Variants in DUOX1 observed in about 807,000 individuals in gnomAD.
The protein encoded by DUOX1 is dual oxidase 1, also known as NADPH thyroid oxidase 1.
A neutral mutation model predicts 181.8 loss-of-function variants in DUOX1; 134 were observed. That is an observed-to-expected ratio of 0.74 (90% CI 0.64 to 0.85). The LOEUF (loss-of-function observed/expected upper bound fraction) is 0.85. DUOX1 is among the 40% of genes least tolerant of loss of function. The probability of loss-of-function intolerance (pLI) is 0.00; values close to 1 mark genes in which losing one functional copy is unlikely to be tolerated. For synonymous variants in DUOX1, 798 were observed against 832.5 expected (o/e 0.96, Z 0.71); for missense variants, 1,814 against 2,064.4 (o/e 0.88, Z 2.35).
intron 17 of DUOX1, 66 bp downstream of exon 17, chr15:45,144,301 G>A (rs1166126009): frequency 1.4e-5 from 22 of 1,557,254 alleles, no homozygotes; most frequent in Non-Finnish European, 1.9e-5. Context: ...CAGGTGGAGG[G>A]GAAGAAGCAT....
Position 45,155,885 on chromosome 15 carries a change from G to A in DUOX1, c.3658G>A (p.Gly1220Ser). The A allele has an allele frequency of 6.2e-7, 1 of 1,614,094 alleles. No homozygotes were observed. Among genetic ancestry groups the A allele is most frequent in the South Asian group, 1.1e-5 (1 of 91,086 alleles). ...SHHFRRRSFR[G>S]FWLTHHLYIL... The stretch of plus-strand genomic sequence containing the variant: ...CCACTTCCGCCGCCGCAGTTTCCGG[G>A]GCTTCTGGCTGACCCACCACCTCTA... Residue 1220 changes from glycine to serine, a missense_variant, in exon 28 of 34, where the codon GGC becomes AGC. By Grantham distance (56) the Gly-to-Ser change is moderately conservative (BLOSUM62 0). Around this residue, in one of 5 missense-constraint regions of DUOX1, gnomAD observed 279 missense variants for 381.9 expected, o/e 0.73. Coordinates refer to ENST00000389037, the MANE Select transcript of DUOX1 (RefSeq NM_175940.3).
chr15:45,133,265 G>A (rs550132277), intron 2 of DUOX1, among the ~76,000 whole-genome samples: 2 of 152,240 alleles, frequency 1.3e-5, no homozygotes, highest in East Asian at 3.9e-4. Context: ...AAAGGGCAAA[G>A]TCATCCACAT....
At position 45,151,915 on chromosome 15, in the gene DUOX1, G is replaced by C. The variant is rs899955788; in HGVS notation, c.3056G>C (p.Arg1019Pro). The C allele has an allele frequency of 1.2e-6, 2 of 1,614,012 alleles. No homozygotes were observed. Among genetic ancestry groups the C allele is most frequent in the East Asian group, 4.5e-5 (2 of 44,878 alleles). The part of the protein sequence containing the change: ...FQPLLFTEAH[R>P]EKFQRSCLHQ... ...CCCTTGCTGTTCACTGAGGCGCACC[G>C]AGAGAAGTTCCAACGCAGCTGTCTC... is the stretch of plus-strand genomic sequence containing the variant. The change falls in exon 24 of 34, where the codon CGA becomes CCA. Residue 1019 changes from arginine (R) to proline (P), a missense_variant. Arg to Pro is a moderately radical substitution (Grantham distance 103). Around this residue, in one of 5 missense-constraint regions of DUOX1, gnomAD observed 1,064 missense variants for 1,152.9 expected, o/e 0.92. Coordinates refer to ENST00000389037, the MANE Select transcript of DUOX1 (RefSeq NM_175940.3).
chr15:45,146,159 G>A (rs1354552493), intron 18 of DUOX1, among the ~76,000 whole-genome samples: 1 of 152,186 alleles, frequency 6.6e-6, no homozygotes, highest in African/African-American at 2.4e-5. Flanking sequence ...TGGCTCAGAG[G>A]AAAGGAACAG....
Position 45,153,446 on chromosome 15 carries a change from C to CT in DUOX1, c.3493dup (p.Cys1165LeufsTer9). 1 of 1,613,892 alleles carries CT rather than the reference C, an allele frequency of 6.2e-7. No individual in the cohort carries two copies. Among genetic ancestry groups the CT allele is most frequent in the South Asian group, 1.1e-5 (1 of 91,080 alleles). ...TCCATCAGCCCCCTCAGCGTCCTCTCTTGCCTCTTTCCTGGCCTCTTCCAT... is the reference window on the plus strand; with the variant it reads ...TCCATCAGCCCCCTCAGCGTCCTCTCTTTGCCTCTTTCCTGGCCTCTTCCAT... On this transcript the variant is annotated frameshift_variant, in exon 26 of 34. Transcript: ENST00000389037. LOFTEE classifies it high-confidence loss of function.
Position 45,139,143 on chromosome 15 carries a change from C to T in DUOX1, c.1191C>T (p.Asp397=). Reference sequence around the variant, plus strand: ...CCTCCCAGATCGCAGAGCGAGAGGACCATGTGTTGGTTGAAGATGTGCGGG... The same window carrying T: ...CCTCCCAGATCGCAGAGCGAGAGGATCATGTGTTGGTTGAAGATGTGCGGG... ...GMASQIAERE[D]HVLVEDVRDF... Residue 397 remains aspartate, a synonymous_variant, in exon 11 of 34, where the codon GAC becomes GAT. Transcript: ENST00000389037. 1.2e-6 allele frequency: 2 copies of T among 1,614,152 alleles called. No homozygotes were observed. The highest frequency in any genetic ancestry group is 1.7e-6 in the Non-Finnish European group (2 of 1,180,028).
chr15:45,132,669 G>A (rs1595573216), intron 2 of DUOX1, among the ~76,000 whole-genome samples: 1 of 152,130 alleles, frequency 6.6e-6, no homozygotes, highest in Non-Finnish European at 1.5e-5. Flanking sequence ...GTCCTGGCTG[G>A]AGGTGACAGG....
chr15:45,161,772 C>A lies in DUOX1; in HGVS notation c.3891C>A (p.Gly1297=), dbSNP rs375792553. 5 of 1,613,938 alleles carry A rather than the reference C, an allele frequency of 3.1e-6. No homozygotes were observed. The Admixed American group carries it at 5.0e-5, about 16-fold the overall frequency. ...VTHLRFQRPQ[G]FEYKSGQWVR... ...ACCTGCGGTTCCAGCGGCCCCAGGG[C>A]TTTGAGTACAAGTCAGGGCAGTGGG... The change falls in exon 30 of 34, where the codon GGC becomes GGA. Residue 1297 remains glycine, a synonymous_variant. Coordinates refer to ENST00000389037, the MANE Select transcript of DUOX1 (RefSeq NM_175940.3).
At position 45,165,018 on chromosome 15, in the gene DUOX1, C is replaced by A. The variant is rs1897193435; in HGVS notation, c.*117C>A. ...CCTTCTCTGATTTCCCACCTCCCAA[C>A]CTTGTTCCAGGTGGCCATAGTCAGT... On this transcript the variant is annotated 3_prime_UTR_variant, in exon 34 of 34. Transcript: ENST00000389037. 1 of 1,239,980 alleles carries A rather than the reference C, an allele frequency of 8.1e-7. No individual in the cohort carries two copies. Among genetic ancestry groups the A allele is most frequent in the African/African-American group, 1.5e-5 (1 of 66,794 alleles). 76.8% of individuals were successfully genotyped at this position (1,239,980 alleles called of 1,614,324 possible). A position where few individuals can be genotyped will look rare whatever the true frequency, so the allele number is the denominator to read the frequency against.
In DUOX1 at chr15:45,136,404, T is replaced by C. The variant is rs200255711; in HGVS notation, c.919T>C (p.Tyr307His). ...PSFLQKTLPE[Y>H]TGYRPFLDPS... ...CTTCCTGCAGAAAACACTCCCGGAG[T>C]ATACAGGTGAGGGAGCGGGGAAGGA... is the stretch of plus-strand genomic sequence containing the variant. Residue 307 changes from tyrosine (Y) to histidine (H), a missense_variant, in exon 8 of 34, where the codon TAT (tyrosine) becomes CAT (histidine). Transcript: ENST00000389037. 1 of 1,613,622 alleles carries C rather than the reference T, an allele frequency of 6.2e-7. No homozygotes were observed. Among genetic ancestry groups the C allele is most frequent in the East Asian group, 2.2e-5 (1 of 44,862 alleles).
chr15:45,152,500 C>A lies in DUOX1; in HGVS notation c.3408C>A (p.Thr1136=), dbSNP rs774750185. ...ACTTCCATCGCCTCATTGCCTCCAC[C>A]GCCATCGTCCTCACAGGCAGGGCCT... ...AVDFHRLIAS[T]AIVLTVLHSV... The change falls in exon 25 of 34, where the codon ACC becomes ACA. Residue 1136 remains threonine (T), a synonymous_variant. Transcript: ENST00000389037. The A allele has an allele frequency of 1.2e-6, 2 of 1,613,988 alleles. No homozygotes were observed. Among genetic ancestry groups the A allele is most frequent in the East Asian group, 4.5e-5 (2 of 44,884 alleles).
At position 45,161,800 on chromosome 15, in the gene DUOX1, C is replaced by T. The variant is rs368964201; in HGVS notation, c.3919C>T (p.Arg1307Trp). Residue 1307 changes from arginine (R) to tryptophan (W), a missense_variant, in exon 30 of 34, where the codon CGG becomes TGG. This residue lies in a region of DUOX1 where 279 missense variants were observed against 381.9 expected (regional missense o/e 0.73). Transcript: ENST00000389037. ...TGAGTACAAGTCAGGGCAGTGGGTG[C>T]GGATCGCTTGCCTGGCTCTGGGGAC... The part of the protein sequence containing the change: ...GFEYKSGQWV[R>W]IACLALGTTE... The T allele has an allele frequency of 1.2e-6, 2 of 1,613,966 alleles. No homozygotes were observed. The highest frequency in any genetic ancestry group is 8.5e-7 in the Non-Finnish European group (1 of 1,179,980).
In DUOX1 at chr15:45,140,899, T is replaced by C; in HGVS notation, c.1394T>C (p.Leu465Pro). Residue 465 changes from leucine (L) to proline (P), a missense_variant, in exon 13 of 34, where the codon CTG becomes CCG. By Grantham distance (98) the Leu-to-Pro change is moderately conservative. Around this residue, in one of 5 missense-constraint regions of DUOX1, gnomAD observed 1,064 missense variants for 1,152.9 expected, o/e 0.92. Coordinates refer to ENST00000389037, the MANE Select transcript of DUOX1 (RefSeq NM_175940.3). The part of the protein sequence containing the change: ...PALSRSNDTV[L>P]EATAALYNQD... ...TCTGCCCCTTCTTGGTTCCAGGTACTGGAGGCCACAGCTGCCCTGTACAAC... is the reference window on the plus strand; with the variant it reads ...TCTGCCCCTTCTTGGTTCCAGGTACCGGAGGCCACAGCTGCCCTGTACAAC... 1 of 1,613,836 alleles carries C rather than the reference T, an allele frequency of 6.2e-7. No individual in the cohort carries two copies. The highest frequency in any genetic ancestry group is 8.5e-7 in the Non-Finnish European group (1 of 1,179,796).
rs371484989 is a variant in DUOX1, at chr15:45,138,253, C to A, written c.1113+239C>A. Among the ~76,000 whole-genome samples, 9 of 152,198 alleles carry A rather than the reference C, an allele frequency of 5.9e-5. 1 individual carries two copies. The South Asian group carries it at 1.9e-3, about 31-fold the overall frequency. On this transcript the variant is annotated intron_variant, in intron 10 of 33. Transcript: ENST00000389037. ...AACATGGCCAAAAGCCAACCCACCA[C>A]CCCAACCTCAGGGCTGTGGGAAAGC...
rs372768815 is a variant in DUOX1, at chr15:45,158,687, G to A, written c.3703-2150G>A. Among the ~76,000 whole-genome samples the A allele has an allele frequency of 7.6e-5, 9 of 119,000 alleles. 1 individual carries two copies. The highest frequency in any genetic ancestry group is 5.5e-4 in the Admixed American group (5 of 9,154). 78.1% of individuals were successfully genotyped at this position (119,000 alleles called of 152,430 possible). ...ACTGCACTCCAGCCTGGGTGACAGCGAGACTTCCATCTCAAAAAAAAAAAA... is the reference window on the plus strand; with the variant it reads ...ACTGCACTCCAGCCTGGGTGACAGCAAGACTTCCATCTCAAAAAAAAAAAA... On this transcript the variant is annotated intron_variant, in intron 28 of 33. Coordinates refer to ENST00000389037, the MANE Select transcript of DUOX1 (RefSeq NM_175940.3).
At chr15:45,133,730 C>A (rs1229061280) in intron 2 of DUOX1, 134 bp from the exon 3 acceptor site, 27 of 738,674 alleles carry the variant, frequency 3.7e-5, no homozygotes, top group Middle Eastern at 7.9e-4. Flanking sequence ...CTGCACCCTA[C>A]CTCTCACATC....
In DUOX1 at chr15:45,144,188, C is replaced by G. The variant is rs765746160; in HGVS notation, c.2089C>G (p.Arg697Gly). The change falls in exon 17 of 34, where the codon CGT (arginine) becomes GGT (glycine). Residue 697 changes from arginine to glycine, a missense_variant. Coordinates refer to ENST00000389037, the MANE Select transcript of DUOX1 (RefSeq NM_175940.3). The stretch of plus-strand genomic sequence containing the variant: ...GGTCAACTTCGTCCTGTCCAGCAAC[C>G]GTGGACGCCGCACTCTGCTGCTCAA... The part of the protein sequence containing the change: ...QKVNFVLSSN[R>G]GRRTLLLKIP... 1.2e-6 allele frequency: 2 copies of G among 1,614,018 alleles called. No individual in the cohort carries two copies. The highest frequency in any genetic ancestry group is 1.3e-5 in the African/African-American group (1 of 74,950).
At position 45,142,132 on chromosome 15, in the gene DUOX1, G is replaced by A. The variant is rs758471611; in HGVS notation, c.1822+20G>A. 18 of 1,607,962 alleles carry A rather than the reference G, an allele frequency of 1.1e-5. No homozygotes were observed. Among genetic ancestry groups the A allele is most frequent in the Non-Finnish European group, 1.3e-5 (15 of 1,176,540 alleles). On this transcript the variant is annotated intron_variant, in intron 15 of 33. Transcript: ENST00000389037. Reference sequence around the variant, plus strand: ...CTTTGGGTAAAATCATGGACAGAGTGGGGTGGGGTGAGAGATGCAAGCTAG... The same window carrying A: ...CTTTGGGTAAAATCATGGACAGAGTAGGGTGGGGTGAGAGATGCAAGCTAG...
At position 45,141,326 on chromosome 15, in the gene DUOX1, A is replaced by G; in HGVS notation, c.1600A>G (p.Asn534Asp). ...CAAGAAGGAGATTGAAGAAATCCGAAATACCACCCTGCAGGACGTGCTGGT... is the reference window on the plus strand; with the variant it reads ...CAAGAAGGAGATTGAAGAAATCCGAGATACCACCCTGCAGGACGTGCTGGT... ...FSKKEIEEIR[N>D]TTLQDVLVAV... The change falls in exon 14 of 34, where the codon AAT (asparagine) becomes GAT (aspartate). Residue 534 changes from asparagine to aspartate, a missense_variant. Physicochemically the swap from Asn to Asp is conservative, Grantham distance 23. Around this residue, in one of 5 missense-constraint regions of DUOX1, gnomAD observed 1,064 missense variants for 1,152.9 expected, o/e 0.92. Coordinates refer to ENST00000389037, the MANE Select transcript of DUOX1 (RefSeq NM_175940.3). The G allele has an allele frequency of 6.2e-7, 1 of 1,614,198 alleles. No homozygotes were observed.
Sources: gnomAD v4.1 joint callset for allele counts (sites outside exome capture counted in the v4.1 genomes callset) on GRCh38, gnomAD v4.1.1 for gene constraint, gnomAD v4.1.1 regional missense constraint, MANE v1.5 for transcripts, NCBI Gene and HGNC (gene_info 2026-07-23, HGNC 2026-07-21) for gene names.